ATOH8: variants seen among roughly 807,000 people sequenced by gnomAD.
The protein encoded by ATOH8 is transcription factor ATOH8.
In ATOH8, 9 loss-of-function variants were observed where a neutral mutation model predicts 21.2. The ratio of observed to expected loss-of-function variants is 0.42; its 90% confidence interval spans 0.26 to 0.74. The LOEUF is 0.74. Among genes scored for constraint, ATOH8 ranks in the 30% least tolerant of loss-of-function variants. ATOH8 has a pLI of 0.24. For synonymous variants in ATOH8, 253 were observed against 224.0 expected, an observed-to-expected ratio of 1.13 and a Z score of -1.16; for missense variants, 524 against 470.9, an observed-to-expected ratio of 1.11 and a Z score of -1.04.
rs1480447012 is a variant in ATOH8, at chr2:85,790,097, TGAC to T, written c.*3210_*3212del. On this transcript the variant is annotated 3_prime_UTR_variant, in exon 3 of 3. Coordinates refer to ENST00000306279, the MANE Select transcript of ATOH8 (RefSeq NM_032827.7). ...AAGGAGACCCTCAGCAAAATATAAA[TGAC>T]GAGGAGCTGCCCTCATGGGGCCCTG... Among the ~76,000 whole-genome samples the T allele has an allele frequency of 6.6e-6, 1 of 152,216 alleles. No individual in the cohort carries two copies. Among genetic ancestry groups the T allele is most frequent in the East Asian group, 1.9e-4 (1 of 5,192 alleles).
chr2:85,759,286 T>A (rs1289236991), intron 1 of ATOH8, among the ~76,000 whole-genome samples: 2 of 152,192 alleles, frequency 1.3e-5, no homozygotes, highest in Admixed American at 1.3e-4. Flanking sequence ...ACAGGCCTGC[T>A]TGCACTGGGG....
intron 1 of ATOH8, among the ~76,000 whole-genome samples, chr2:85,756,700 A>T (rs1431974761): frequency 6.6e-6 from 1 of 152,200 alleles, no homozygotes; most frequent in Non-Finnish European, 1.5e-5. Context: ...AGTATGGAAC[A>T]CTGAGGCCCA....
rs535484339 is a variant in ATOH8, at chr2:85,774,624, C to G, written c.960+10442C>G. 176 of 985,562 alleles carry G rather than the reference C, an allele frequency of 1.8e-4. No homozygotes were observed. The African/African-American group carries it at 2.9e-3, about 16-fold the overall frequency. 61.1% of individuals were successfully genotyped at this position (985,562 alleles called of 1,614,324 possible). A position where few individuals can be genotyped will look rare whatever the true frequency, so the allele number is the denominator to read the frequency against. On this transcript the variant is annotated intron_variant, in intron 2 of 2. Transcript: ENST00000306279. ...CCCACCAGAGCCCCTCCTGGCTGCT[C>G]TGCTGAAAGCTGGTCAGACTGCCTC...
In ATOH8 at chr2:85,764,189, A is replaced by G; in HGVS notation, c.960+7A>G. The G allele has an allele frequency of 6.2e-7, 1 of 1,613,380 alleles. No individual in the cohort carries two copies. Among genetic ancestry groups the G allele is most frequent in the East Asian group, 2.2e-5 (1 of 44,858 alleles). On this transcript the variant is annotated splice_region_variant and intron_variant, in intron 2 of 2. Transcript: ENST00000306279. ...ACGTGCCAAGAAGCGCAAGGTATGC[A>G]CCAGCTGGGTGGGCGGTAGCTTCTG... is the stretch of plus-strand genomic sequence containing the variant.
rs764687681 is a variant in ATOH8 at position 85,754,389 on chromosome 2, T to G, written c.200T>G (p.Leu67Arg). 1 of 1,583,648 alleles carries G rather than the reference T, an allele frequency of 6.3e-7. No homozygotes were observed. The highest frequency in any genetic ancestry group is 1.1e-5 in the South Asian group (1 of 88,572). The change falls in exon 1 of 3, where the codon CTG becomes CGG. Residue 67 changes from leucine (L) to arginine (R), a missense_variant. Leu to Arg is a moderately radical substitution (Grantham distance 102). Transcript: ENST00000306279. ...GGGCTGCGGGACAGGACCCATCGGC[T>G]GCAGCCGGTCCCGGTACCGGTGCCG... ...TNGLRDRTHRLQPVPVPVPVP... is the reference protein window; with the variant it reads ...TNGLRDRTHRRQPVPVPVPVP...
intron 2 of ATOH8, among the ~76,000 whole-genome samples, chr2:85,768,569 T>C (rs1273495619): frequency 2.0e-5 from 3 of 152,170 alleles, no homozygotes; most frequent in Non-Finnish European, 4.4e-5. Context: ...CCCTCAGAGC[T>C]ACTGTGTCCA....
At chr2:85,775,144 C>T (rs997769357) in intron 2 of ATOH8, 35 of 905,668 alleles carry the variant, frequency 3.9e-5, no homozygotes, top group Middle Eastern at 1.1e-3. Context: ...ACATAGGATG[C>T]GATGTGATAT....
At chr2:85,770,692 G>A (rs958406913) in intron 2 of ATOH8, among the ~76,000 whole-genome samples, 1 of 152,178 alleles carries the variant, frequency 6.6e-6, no homozygotes, top group Admixed American at 6.5e-5. Context: ...TTCCCTGAAC[G>A]TGGACCGTGC....
chr2:85,783,760 A>C (rs1389005196), intron 2 of ATOH8: 1 of 152,054 alleles, frequency 6.6e-6, no homozygotes, highest in Non-Finnish European at 1.5e-5. Flanking sequence ...GGATGTTGCC[A>C]GGCTTTCCAT....
Position 85,787,057 on chromosome 2 carries a change from C to T in ATOH8, c.*167C>T, listed in dbSNP as rs1680638655. On this transcript the variant is annotated 3_prime_UTR_variant, in exon 3 of 3. Transcript: ENST00000306279. ...ATCGGAGCACGCCTGCCTCCCTCTC[C>T]CCTCCGCCCTCACCCAGCCAATCCG... is the stretch of plus-strand genomic sequence containing the variant. The T allele has an allele frequency of 3.7e-6, 3 of 805,358 alleles. No individual in the cohort carries two copies. The highest frequency in any genetic ancestry group is 5.9e-6 in the Non-Finnish European group (3 of 510,012). 49.9% of individuals were successfully genotyped at this position (805,358 alleles called of 1,614,324 possible).
In ATOH8 at chr2:85,754,266, T is replaced by C. The variant is rs138682636; in HGVS notation, c.77T>C (p.Leu26Pro). ...AAGGAGCTGAACGGCCTTAAGAAGC[T>C]CAAGCGGAAAGGCAAGGAGCCGGCG... ...CVKELNGLKK[L>P]KRKGKEPARR... is the part of the protein sequence containing the mutation. Residue 26 changes from leucine (L) to proline (P), a missense_variant, in exon 1 of 3, where the codon CTC becomes CCC. By Grantham distance (98) the Leu-to-Pro change is moderately conservative (BLOSUM62 -3). Coordinates refer to ENST00000306279, the MANE Select transcript of ATOH8 (RefSeq NM_032827.7). 3.6e-5 allele frequency: 58 copies of C among 1,609,714 alleles called. No homozygotes were observed. The African/African-American group carries it at 6.2e-4, about 17-fold the overall frequency.
chr2:85,770,691 C>T (rs778889395), intron 2 of ATOH8, among the ~76,000 whole-genome samples: 16 of 152,262 alleles, frequency 1.1e-4, no homozygotes, highest in Middle Eastern at 6.8e-3. Context: ...TTTCCCTGAA[C>T]GTGGACCGTG....
intron 2 of ATOH8, among the ~76,000 whole-genome samples, chr2:85,765,592 A>T (rs1679993352): frequency 6.6e-6 from 1 of 152,046 alleles, no homozygotes; most frequent in African/African-American, 2.4e-5. Context: ...GTGACAAAGG[A>T]GGTTTGTAAA....
intron 2 of ATOH8, chr2:85,772,738 C>T (rs779756633): frequency 1.3e-5 from 6 of 456,882 alleles, no homozygotes; most frequent in Admixed American, 2.4e-5. Context: ...GACTGGACGC[C>T]GTAAAAGTTG....
chr2:85,764,317 T>C, intron 2 of ATOH8, 135 bp downstream of exon 2: 1 of 1,133,292 alleles, frequency 8.8e-7, no homozygotes, highest in Non-Finnish European at 1.2e-6. Flanking sequence ...TGCTGGGAGT[T>C]GCCTCAGCTT....
intron 2 of ATOH8, among the ~76,000 whole-genome samples, chr2:85,771,750 C>T (rs1284949901): frequency 6.6e-6 from 1 of 152,234 alleles, no homozygotes; most frequent in East Asian, 1.9e-4. Context: ...CCACCAAGCA[C>T]ATCAACCATG....
intron 1 of ATOH8, among the ~76,000 whole-genome samples, chr2:85,758,113 T>A (rs1335449667): frequency 6.6e-6 from 1 of 152,152 alleles, no homozygotes; most frequent in Non-Finnish European, 1.5e-5. Flanking sequence ...CTTAAGCATC[T>A]CCAAGGTCCT....
At chr2:85,779,415 G>A (rs911821893) in intron 2 of ATOH8, among the ~76,000 whole-genome samples, 1 of 152,256 alleles carries the variant, frequency 6.6e-6, no homozygotes, top group Non-Finnish European at 1.5e-5. Flanking sequence ...GAGACAGCTC[G>A]GCAGCCAGAG....
intron 2 of ATOH8, chr2:85,775,085 C>T (rs1680286349): frequency 1.1e-6 from 1 of 946,592 alleles, no homozygotes; most frequent in South Asian, 4.9e-5. Context: ...TATTAGATTT[C>T]ATGTCATTAC....
Sources: allele counts gnomAD v4.1 joint callset (sites outside exome capture counted in the v4.1 genomes callset), GRCh38; gene constraint gnomAD v4.1.1; transcripts MANE v1.5; gene names NCBI Gene and HGNC (gene_info 2026-07-23, HGNC 2026-07-21).